WARS1: variants seen among roughly 807,000 people sequenced by gnomAD.
WARS1 encodes the protein tryptophan--tRNA ligase, cytoplasmic.
A neutral mutation model predicts 47.8 loss-of-function variants in WARS1; 17 were observed. The observed-to-expected ratio is 0.36, with a 90% CI of 0.24 to 0.53. WARS1 has a LOEUF of 0.53. Ranked by LOEUF, WARS1 falls within the 20% of genes least tolerant of loss-of-function variation. The probability of loss-of-function intolerance (pLI) is 0.91; values close to 1 mark genes in which losing one functional copy is unlikely to be tolerated. For missense variants in WARS1, 434 were observed against 608.0 expected, an observed-to-expected ratio of 0.71 and a Z score of 3.01; for synonymous variants, 208 against 228.1, an observed-to-expected ratio of 0.91 and a Z score of 0.79.
intron 6 of WARS1, among the ~76,000 whole-genome samples, chr14:100,349,153 T>C (rs1423320818): frequency 6.6e-6 from 1 of 152,162 alleles, no homozygotes; most frequent in Non-Finnish European, 1.5e-5. Flanking sequence ...AGATTTTAGA[T>C]TACAACATTT....
chr14:100,372,835 T>C (rs1896430515), intron 1 of WARS1, among the ~76,000 whole-genome samples: 2 of 152,176 alleles, frequency 1.3e-5, no homozygotes, highest in Admixed American at 1.3e-4. Flanking sequence ...CCCTTGCTCA[T>C]GTGCTCTCTC....
In WARS1 at chr14:100,368,432, T is replaced by A. The variant is rs576622230; in HGVS notation, c.99+655A>T. On this transcript the variant is annotated intron_variant, in intron 2 of 10. Transcript: ENST00000392882. ...CCTGGACGGGAAGTGGTTGTGAAGG[T>A]ACGAATGCTTCATTTCCACCTGAAA... is the stretch of plus-strand genomic sequence containing the variant. 32 of 455,988 alleles carry A rather than the reference T, an allele frequency of 7.0e-5. 1 individual carries two copies. The East Asian group carries it at 2.2e-3, about 31-fold the overall frequency. 28.2% of individuals were successfully genotyped at this position (455,988 alleles called of 1,614,324 possible).
intron 9 of WARS1, chr14:100,342,118 A>G (rs1894201644): frequency 2.4e-6 from 1 of 417,352 alleles, no homozygotes. Context: ...CTTTGCCTGC[A>G]GAACAGTGCT....
intron 9 of WARS1, among the ~76,000 whole-genome samples, chr14:100,340,907 T>G (rs953802899): frequency 2.0e-5 from 3 of 147,396 alleles, no homozygotes; most frequent in Non-Finnish European, 4.5e-5. Flanking sequence ...AAGTTTTTCT[T>G]TTTTCTTTTC....
chr14:100,348,389 T>C (rs1165106335), intron 6 of WARS1, among the ~76,000 whole-genome samples: 3 of 150,748 alleles, frequency 2.0e-5, no homozygotes, highest in African/African-American at 7.3e-5. Flanking sequence ...AGGCAGCACG[T>C]GAGGGATGGA....
chr14:100,349,487 A>G (rs1894834975), intron 6 of WARS1, among the ~76,000 whole-genome samples: 1 of 152,178 alleles, frequency 6.6e-6, no homozygotes, highest in Non-Finnish European at 1.5e-5. Flanking sequence ...TGCCCGGGCC[A>G]CACAGTGGAA....
At chr14:100,370,688 A>C (rs1459871833) in intron 1 of WARS1, among the ~76,000 whole-genome samples, 1 of 152,046 alleles carries the variant, frequency 6.6e-6, no homozygotes, top group Non-Finnish European at 1.5e-5. Context: ...TGAGGCACAG[A>C]GGGGTTAAAA....
chr14:100,367,941 G>A (rs2140078933), intron 2 of WARS1, among the ~76,000 whole-genome samples: 1 of 122,826 alleles, frequency 8.1e-6, no homozygotes, highest in South Asian at 3.1e-4. Context: ...GATTTGCTCT[G>A]CCCAAAGAGT....
intron 2 of WARS1, among the ~76,000 whole-genome samples, chr14:100,365,163 A>AC (rs1595454909): frequency 4.6e-5 from 7 of 151,682 alleles, no homozygotes; most frequent in South Asian, 2.1e-4. Flanking sequence ...ACACACACAC[A>AC]AATAATGATT....
intron 7 of WARS1, among the ~76,000 whole-genome samples, chr14:100,345,470 C>T (rs575886965): frequency 2.6e-5 from 4 of 151,800 alleles, no homozygotes; most frequent in South Asian, 2.1e-4. Flanking sequence ...GCAGCATGCT[C>T]GTTAAGAGTC....
intron 2 of WARS1, chr14:100,366,786 T>C (rs1896026768): frequency 2.5e-6 from 3 of 1,185,492 alleles, no homozygotes; most frequent in African/African-American, 1.5e-5. Context: ...TGAAGATACA[T>C]GGGTGGCTTT....
At chr14:100,353,618 A>C in intron 6 of WARS1, 69 bp downstream of exon 6, 1 of 1,546,650 alleles carries the variant, frequency 6.5e-7, no homozygotes, top group Non-Finnish European at 8.8e-7. Flanking sequence ...TTTCGAATTT[A>C]GCTGTGGTCA....
intron 2 of WARS1, chr14:100,368,381 C>T (rs954945810): frequency 2.2e-6 from 1 of 455,544 alleles, no homozygotes; most frequent in Non-Finnish European, 4.4e-6. Flanking sequence ...GACCTAACTA[C>T]AACTGCAATA....
chr14:100,348,869 T>G (rs1595428116), intron 6 of WARS1, among the ~76,000 whole-genome samples: 1 of 152,224 alleles, frequency 6.6e-6, no homozygotes, highest in Admixed American at 6.5e-5. Context: ...AGACTGGTCA[T>G]TACTTGCTGC....
chr14:100,343,751 C>T (rs1190105713), intron 7 of WARS1, among the ~76,000 whole-genome samples: 3 of 152,186 alleles, frequency 2.0e-5, no homozygotes, highest in African/African-American at 7.2e-5. Context: ...GATTCTCCTG[C>T]CTCAGGCTCC....
intron 9 of WARS1, 46 bp from the exon 10 acceptor site, chr14:100,337,248 C>T: frequency 1.9e-6 from 3 of 1,596,082 alleles, no homozygotes; most frequent in Non-Finnish European, 2.6e-6. Flanking sequence ...CCTGCTCATC[C>T]TGTGCCTGGA....
chr14:100,364,513 A>T (rs1263846169), intron 2 of WARS1, among the ~76,000 whole-genome samples: 1 of 152,180 alleles, frequency 6.6e-6, no homozygotes, highest in Non-Finnish European at 1.5e-5. Flanking sequence ...TAATTTTTAA[A>T]ATTTCCAAAA....
In WARS1 at chr14:100,369,087, C is replaced by T. The variant is rs769180040; in HGVS notation, c.99G>A (p.Lys33=). ...VRSLKAGNAS[K]DEIDSAVKML... Reference sequence around the variant, plus strand: ...TGGAGAACCCAGCAAAATCATGTACCTTTGACGCATTTCCCGCTTTGAGGG... The same window carrying T: ...TGGAGAACCCAGCAAAATCATGTACTTTTGACGCATTTCCCGCTTTGAGGG... Residue 33 remains lysine (K), a splice_region_variant and synonymous_variant, in exon 2 of 11, where the codon AAG becomes AAA. Transcript: ENST00000392882. 1 of 1,549,452 alleles carries T rather than the reference C, an allele frequency of 6.5e-7. No individual in the cohort carries two copies. Among genetic ancestry groups the T allele is most frequent in the South Asian group, 1.2e-5 (1 of 84,436 alleles).
At chr14:100,346,114 A>G (rs1894602527) in intron 7 of WARS1, among the ~76,000 whole-genome samples, 1 of 152,254 alleles carries the variant, frequency 6.6e-6, no homozygotes, top group Non-Finnish European at 1.5e-5. Flanking sequence ...CACAAGTCTC[A>G]AGGACCAAAA....
Sources: gnomAD v4.1 joint callset for allele counts (sites outside exome capture counted in the v4.1 genomes callset) on GRCh38, gnomAD v4.1.1 for gene constraint, MANE v1.5 for transcripts, NCBI Gene and HGNC (gene_info 2026-07-23, HGNC 2026-07-21) for gene names.